Variants in RCSD1 observed in about 807,000 individuals in gnomAD.
The protein encoded by RCSD1 is RCSD domain containing 1.
Under a neutral mutation model 42.5 loss-of-function variants are expected in RCSD1, and 26 were observed. That is an observed-to-expected ratio of 0.61 (90% CI 0.45 to 0.85). The LOEUF is 0.85. RCSD1 is among the 40% of genes least tolerant of loss of function. RCSD1 has a pLI of 0.00. For missense variants in RCSD1, 571 were observed against 528.3 expected (o/e 1.08, Z -0.79); for synonymous variants, 220 against 212.2 (o/e 1.04, Z -0.32).
intron 1 of RCSD1, among the ~76,000 whole-genome samples, chr1:167,647,875 T>C (rs549642133): frequency 6.6e-6 from 1 of 152,342 alleles, no homozygotes; most frequent in Non-Finnish European, 1.5e-5. Context: ...TAAGCTAATC[T>C]TAAATATTTT....
intron 4 of RCSD1, among the ~76,000 whole-genome samples, chr1:167,693,295 C>CA (rs1659419810): frequency 6.6e-6 from 1 of 152,248 alleles, no homozygotes; most frequent in Admixed American, 6.5e-5. Flanking sequence ...ATCGGACTCT[C>CA]ACGCACGTTC....
At chr1:167,646,110 A>G (rs940706245) in intron 1 of RCSD1, among the ~76,000 whole-genome samples, 42 of 152,208 alleles carry the variant, frequency 2.8e-4, no homozygotes, top group Non-Finnish European at 2.4e-4. Context: ...AGAGTTAGAG[A>G]GAAAGTGATC....
chr1:167,630,723 A>AAAAAAAAAAAAAAAAG (rs1657676373), intron 1 of RCSD1: 1 of 141,666 alleles, frequency 7.1e-6, no homozygotes, highest in Non-Finnish European at 1.1e-5. Context: ...TTAAATGCTA[A>AAAAAAAAAAAAAAAAG]AAAAAAAAAA....
At chr1:167,692,529 AT>A in intron 4 of RCSD1, among the ~76,000 whole-genome samples, 2 of 148,476 alleles carry the variant, frequency 1.3e-5, no homozygotes, top group South Asian at 4.3e-4. Flanking sequence ...TTTTATTTTT[AT>A]TTTTTTTAGA....
chr1:167,695,913 A>G (rs1406717477), intron 5 of RCSD1, among the ~76,000 whole-genome samples: 1 of 152,194 alleles, frequency 6.6e-6, no homozygotes, highest in East Asian at 1.9e-4. Context: ...AAGTCTGATA[A>G]GCTGAGAAGA....
In RCSD1 at chr1:167,694,144, C is replaced by G; in HGVS notation, c.316C>G (p.Pro106Ala). The G allele has an allele frequency of 6.2e-7, 1 of 1,614,204 alleles. No homozygotes were observed. The highest frequency in any genetic ancestry group is 8.5e-7 in the Non-Finnish European group (1 of 1,180,040). Residue 106 changes from proline to alanine, a missense_variant, in exon 5 of 7, where the codon CCC becomes GCC. Transcript: ENST00000367854. ...AGCTGCTCTACTGCCTGGGGCCTCA[C>G]CCAAGAGTCCTGGACTCAAGGCTAT... ...DPAALLPGASPKSPGLKAMVS... is the reference protein window; with the variant it reads ...DPAALLPGASAKSPGLKAMVS...
At chr1:167,647,382 A>G (rs900661310) in intron 1 of RCSD1, among the ~76,000 whole-genome samples, 1 of 151,396 alleles carries the variant, frequency 6.6e-6, no homozygotes, top group Non-Finnish European at 1.5e-5. Flanking sequence ...TGAGCCCAGG[A>G]GTTCAAGATC....
At chr1:167,634,673 A>G (rs1657789589) in intron 1 of RCSD1, among the ~76,000 whole-genome samples, 1 of 152,204 alleles carries the variant, frequency 6.6e-6, no homozygotes, top group African/African-American at 2.4e-5. Flanking sequence ...TTCGCTGACT[A>G]AATCCTTTGT....
intron 1 of RCSD1, among the ~76,000 whole-genome samples, chr1:167,668,301 T>A (rs1488395281): frequency 6.6e-6 from 1 of 151,440 alleles, no homozygotes; most frequent in Non-Finnish European, 1.5e-5. Flanking sequence ...AAAAAAAAAC[T>A]CTGTGAGTTC....
chr1:167,679,203 C>T (rs1336992812), intron 1 of RCSD1, among the ~76,000 whole-genome samples: 2 of 152,192 alleles, frequency 1.3e-5, no homozygotes, highest in African/African-American at 2.4e-5. Context: ...ATTCTCATGC[C>T]TGCACTTACT....
intron 6 of RCSD1, among the ~76,000 whole-genome samples, chr1:167,703,646 T>C (rs1558097025): frequency 6.6e-6 from 1 of 152,206 alleles, no homozygotes; most frequent in Non-Finnish European, 1.5e-5. Flanking sequence ...AACCCTTTGA[T>C]ACTGCCCACT....
intron 4 of RCSD1, among the ~76,000 whole-genome samples, chr1:167,693,717 A>T (rs550434478): frequency 1.3e-5 from 2 of 152,284 alleles, no homozygotes; most frequent in South Asian, 2.1e-4. Flanking sequence ...AGTGAGTACT[A>T]TTGACTCTGA....
At chr1:167,647,490 G>T (rs769561728) in intron 1 of RCSD1, among the ~76,000 whole-genome samples, 1 of 152,074 alleles carries the variant, frequency 6.6e-6, no homozygotes. Flanking sequence ...GGAGGCTAAG[G>T]CAGGAGAATT....
intron 1 of RCSD1, among the ~76,000 whole-genome samples, chr1:167,636,640 A>G (rs1324040201): frequency 2.6e-5 from 4 of 151,976 alleles, no homozygotes; most frequent in Non-Finnish European, 5.9e-5. Context: ...CCCAGGCTAG[A>G]GTACAATGGC....
At chr1:167,669,123 G>T (rs913306573) in intron 1 of RCSD1, among the ~76,000 whole-genome samples, 6 of 152,182 alleles carry the variant, frequency 3.9e-5, no homozygotes, top group African/African-American at 1.4e-4. Context: ...CTGCATGTTT[G>T]CTAATAATCT....
chr1:167,640,233 G>A (rs1657972779), intron 1 of RCSD1, among the ~76,000 whole-genome samples: 1 of 152,084 alleles, frequency 6.6e-6, no homozygotes, highest in Admixed American at 6.5e-5. Context: ...GGTTCTGGAG[G>A]CCGGATGTCT....
intron 6 of RCSD1, among the ~76,000 whole-genome samples, chr1:167,702,065 T>C (rs1029869406): frequency 1.3e-5 from 2 of 152,234 alleles, no homozygotes; most frequent in Admixed American, 6.5e-5. Flanking sequence ...GCAATCAGCA[T>C]TTAACAAGCA....
At chr1:167,701,300 CTTTCTTTCTTTCTTTCTTTT>C (rs1400481266) in intron 6 of RCSD1, among the ~76,000 whole-genome samples, 107 of 145,894 alleles carry the variant, frequency 7.3e-4, no homozygotes, top group African/African-American at 2.6e-3. Flanking sequence ...TTCTTTCTTT[CTTTCTTTCTTTCTTTCTTTT>C]TTTTAGATGG....
chr1:167,687,876 T>G (rs925760510), intron 3 of RCSD1, among the ~76,000 whole-genome samples: 11 of 152,190 alleles, frequency 7.2e-5, no homozygotes, highest in African/African-American at 2.7e-4. Flanking sequence ...CCAGCTGAAG[T>G]TGGGTGTTTA....
Sources: gnomAD v4.1 joint callset for allele counts (sites outside exome capture counted in the v4.1 genomes callset) on GRCh38, gnomAD v4.1.1 for gene constraint, MANE v1.5 for transcripts, NCBI Gene and HGNC (gene_info 2026-07-23, HGNC 2026-07-21) for gene names.